C14orf39: variants seen among roughly 807,000 people sequenced by gnomAD.
The protein encoded by C14orf39 is protein SIX6OS1.
In C14orf39, 66 loss-of-function variants were observed where a neutral mutation model predicts 85.6. The ratio of observed to expected loss-of-function variants is 0.77; its 90% CI spans 0.63 to 0.95. The LOEUF is 0.95. Among genes scored for constraint, C14orf39 ranks in the 40% least tolerant of loss-of-function variants. The pLI, the probability that C14orf39 is intolerant of heterozygous loss-of-function variation, is 0.00. For missense variants in C14orf39, 735 were observed against 663.9 expected (o/e 1.11, Z -1.18); for synonymous variants, 242 against 214.0 (o/e 1.13, Z -1.14).
intron 8 of C14orf39, 68 bp downstream of exon 8, chr14:60,469,465 T>C (rs906502110): frequency 3.9e-5 from 24 of 616,214 alleles, no homozygotes; most frequent in Non-Finnish European, 5.3e-5. Flanking sequence ...CTTCTAAAAC[T>C]GTCAACTAAC....
At chr14:60,471,139 G>T (rs1204380944) in intron 7 of C14orf39, among the ~76,000 whole-genome samples, 1 of 151,856 alleles carries the variant, frequency 6.6e-6, no homozygotes, top group South Asian at 2.1e-4. Context: ...TCTTTGGTAA[G>T]ACAGACCAAT....
intron 1 of C14orf39, chr14:60,511,632 T>G: frequency 8.3e-6 from 3 of 360,640 alleles, no homozygotes; most frequent in South Asian, 2.6e-5. Context: ...CGCTTTAAAG[T>G]TTTTTTTTAA....
chr14:60,482,473 C>T (rs1016892639), intron 4 of C14orf39, among the ~76,000 whole-genome samples: 2 of 152,072 alleles, frequency 1.3e-5, no homozygotes, highest in African/African-American at 4.8e-5. Flanking sequence ...TATAATAAGT[C>T]AATCAATGTG....
chr14:60,485,188 C>T lies in C14orf39; in HGVS notation c.-8-102G>A, dbSNP rs1007233205. 6.2e-6 allele frequency: 6 copies of T among 961,646 alleles called. No homozygotes were observed. The Admixed American group carries it at 1.6e-4, about 26-fold the overall frequency. The allele number at this position is 961,646 out of a possible 1,614,324, so 59.6% of individuals were successfully genotyped here. ...TTCAATATAGCATTCTTCACAGGAA[C>T]ATGTGGGCAGAGCCAGAACTGGAAG... On this transcript the variant is annotated intron_variant, in intron 1 of 17. Transcript: ENST00000321731.
chr14:60,454,062 A>C (rs1891153633), intron 16 of C14orf39, among the ~76,000 whole-genome samples: 1 of 151,896 alleles, frequency 6.6e-6, no homozygotes, highest in South Asian at 2.1e-4. Context: ...CATGCCTAGC[A>C]TACTCCTAGG....
At chr14:60,458,637 G>A (rs1307112530) in intron 14 of C14orf39, 41 bp downstream of exon 14, 1 of 1,413,362 alleles carries the variant, frequency 7.1e-7, no homozygotes, top group Admixed American at 1.8e-5. Flanking sequence ...TTTTAAATTG[G>A]AATTTTTGCT....
intron 1 of C14orf39, among the ~76,000 whole-genome samples, chr14:60,513,047 T>C (rs1438374109): frequency 3.3e-5 from 5 of 152,140 alleles, no homozygotes; most frequent in African/African-American, 9.7e-5. Context: ...AGATAGACAA[T>C]GGAAGCCCAG....
intron 2 of C14orf39, among the ~76,000 whole-genome samples, chr14:60,492,178 C>T (rs1443984390): frequency 6.6e-6 from 1 of 152,052 alleles, no homozygotes; most frequent in Non-Finnish European, 1.5e-5. Context: ...AACTAAGAGA[C>T]AAAACTTGGA....
intron 14 of C14orf39, among the ~76,000 whole-genome samples, chr14:60,458,128 C>G (rs984589953): frequency 6.6e-6 from 1 of 151,942 alleles, no homozygotes; most frequent in African/African-American, 2.4e-5. Context: ...ATGCTAGAAA[C>G]TTTGAATTAT....
At chr14:60,465,558 G>A (rs558295524) in intron 11 of C14orf39, among the ~76,000 whole-genome samples, 52 of 152,134 alleles carry the variant, frequency 3.4e-4, no homozygotes, top group Non-Finnish European at 5.7e-4. Context: ...CTGAGGTAAC[G>A]CAACCAATTA....
chr14:60,485,387 C>T (rs1484071998), intron 1 of C14orf39, among the ~76,000 whole-genome samples: 1 of 152,194 alleles, frequency 6.6e-6, no homozygotes, highest in Non-Finnish European at 1.5e-5. Flanking sequence ...TCCGGATCTT[C>T]CAGGGTTCAC....
intron 16 of C14orf39, among the ~76,000 whole-genome samples, chr14:60,447,907 G>C (rs1281034999): frequency 1.3e-5 from 2 of 152,136 alleles, no homozygotes; most frequent in Non-Finnish European, 2.9e-5. Context: ...ACAACCATCT[G>C]ATCTTTGACA....
chr14:60,475,026 G>T (rs1303210971), intron 5 of C14orf39, among the ~76,000 whole-genome samples: 2 of 152,102 alleles, frequency 1.3e-5, no homozygotes, highest in African/African-American at 4.8e-5. Flanking sequence ...GAATCCATCT[G>T]GTCCTGGACT....
intron 1 of C14orf39, chr14:60,511,077 C>G (rs1157318185): frequency 1.9e-6 from 3 of 1,612,422 alleles, no homozygotes; most frequent in Non-Finnish European, 2.5e-6. Context: ...CCCTTTCTTC[C>G]CCGTAGACTC....
intron 13 of C14orf39, 83 bp downstream of exon 13, chr14:60,461,271 G>A (rs1176943474): frequency 1.2e-5 from 14 of 1,210,498 alleles, no homozygotes; most frequent in East Asian, 2.4e-5. Context: ...GCAAATAATC[G>A]AAACAATTTA....
In C14orf39 at chr14:60,491,818, C is replaced by T. The variant is rs999596222; in HGVS notation, c.-8-6732G>A. ...ATGTAAATATTCTCTCTCTCTTTTT[C>T]TCTCTCTCTCTCTCTCTCACACACA... On this transcript the variant is annotated intron_variant, in intron 2 of 5. Transcript: ENST00000556799. The surrounding 1 kb of genome is among the most constrained non-coding windows in gnomAD (Gnocchi z 4.5). Among the ~76,000 whole-genome samples, 12 of 148,378 alleles carry T rather than the reference C, an allele frequency of 8.1e-5. No homozygotes were observed. In the South Asian group the frequency reaches 8.4e-4, roughly 10 times the overall value.
chr14:60,488,958 A>G (rs1384762431), upstream of C14orf39, among the ~76,000 whole-genome samples: 1 of 151,470 alleles, frequency 6.6e-6, no homozygotes, highest in Non-Finnish European at 1.5e-5. Flanking sequence ...TTCATCTTCT[A>G]TTTCTTTCCC....
intron 5 of C14orf39, among the ~76,000 whole-genome samples, chr14:60,472,556 C>T (rs922448253): frequency 6.6e-6 from 1 of 152,106 alleles, no homozygotes; most frequent in African/African-American, 2.4e-5. Flanking sequence ...CCCTCCTACC[C>T]CCTCCCCACA....
intron 1 of C14orf39, chr14:60,511,227 C>T: frequency 6.2e-7 from 1 of 1,613,404 alleles, no homozygotes. Context: ...TCCATCACGT[C>T]CAGCGACAGC....
Sources: allele counts gnomAD v4.1 joint callset (sites outside exome capture counted in the v4.1 genomes callset), GRCh38; gene constraint gnomAD v4.1.1; non-coding constraint Gnocchi (gnomAD v3.1); transcripts MANE v1.5; gene names NCBI Gene and HGNC (gene_info 2026-07-23, HGNC 2026-07-21).